Variants in LHFPL2 observed in about 807,000 individuals in gnomAD.
LHFPL2 encodes the protein LHFPL tetraspan subfamily member 2.
LHFPL2 carries 7 observed loss-of-function variants against 17.5 expected under a neutral mutation model. That is an observed-to-expected ratio of 0.40 (90% confidence interval 0.23 to 0.75). The LOEUF is 0.75. LHFPL2 is among the 30% of genes least tolerant of loss of function. LHFPL2 has a pLI of 0.37. For missense variants in LHFPL2, 241 were observed against 294.8 expected, an observed-to-expected ratio of 0.82 and a Z score of 1.34; for synonymous variants, 134 against 116.2, an observed-to-expected ratio of 1.15 and a Z score of -0.99.
intron 3 of LHFPL2, among the ~76,000 whole-genome samples, chr5:78,519,916 G>A (rs1437675363): frequency 1.3e-5 from 2 of 152,180 alleles, no homozygotes; most frequent in African/African-American, 4.8e-5. Context: ...GGAGTTGTGT[G>A]GTGGAAAGGA....
At chr5:78,549,255 C>A (rs1385153140) in intron 3 of LHFPL2, 2 of 152,170 alleles carry the variant, frequency 1.3e-5, no homozygotes, top group Non-Finnish European at 2.9e-5. Flanking sequence ...GGTCTCAGAG[C>A]AGAGTTCCAA....
intron 3 of LHFPL2, among the ~76,000 whole-genome samples, chr5:78,555,443 T>C (rs1561337164): frequency 6.6e-6 from 1 of 152,184 alleles, no homozygotes; most frequent in Non-Finnish European, 1.5e-5. Flanking sequence ...ATTCACTCAT[T>C]CTGGAAGTGA....
At chr5:78,633,379 C>A (rs77400007) in intron 1 of LHFPL2, among the ~76,000 whole-genome samples, 2,756 of 152,330 alleles carry the variant, frequency 0.018, 90 homozygotes, top group African/African-American at 0.063. Context: ...CCTCAACACA[C>A]CCCCACCAAA....
intron 1 of LHFPL2, among the ~76,000 whole-genome samples, chr5:78,640,627 C>T (rs1745630623): frequency 6.6e-6 from 1 of 152,116 alleles, no homozygotes; most frequent in Non-Finnish European, 1.5e-5. Context: ...AAGTAACATA[C>T]TACTTGTAGA....
At chr5:78,518,079 G>A (rs1037640590) in intron 3 of LHFPL2, among the ~76,000 whole-genome samples, 8 of 152,176 alleles carry the variant, frequency 5.3e-5, no homozygotes, top group Non-Finnish European at 7.3e-5. Context: ...ACAGACCATA[G>A]GGTCAAAAGC....
chr5:78,557,121 A>G (rs531856738), intron 3 of LHFPL2, among the ~76,000 whole-genome samples: 2 of 152,348 alleles, frequency 1.3e-5, no homozygotes, highest in South Asian at 4.1e-4. Flanking sequence ...CAAGGTCACC[A>G]GAGAAGACTG....
At chr5:78,617,039 T>C (rs1359864865) in intron 2 of LHFPL2, among the ~76,000 whole-genome samples, 4 of 152,150 alleles carry the variant, frequency 2.6e-5, no homozygotes, top group African/African-American at 9.7e-5. Flanking sequence ...TTTTTTTCTT[T>C]TTTTTTGAGA....
chr5:78,596,617 G>A (rs1017976035), intron 2 of LHFPL2, among the ~76,000 whole-genome samples: 10 of 152,092 alleles, frequency 6.6e-5, no homozygotes, highest in African/African-American at 2.4e-4. Flanking sequence ...AGGGATAAAA[G>A]TGTCACGTGC....
chr5:78,572,882 A>G (rs995874514), intron 2 of LHFPL2, among the ~76,000 whole-genome samples: 3 of 152,182 alleles, frequency 2.0e-5, no homozygotes, highest in Admixed American at 1.3e-4. Context: ...ACCTTAGATC[A>G]TCAGGCATTA....
intron 3 of LHFPL2, among the ~76,000 whole-genome samples, chr5:78,563,957 A>AT (rs1219489307): frequency 6.6e-5 from 10 of 152,100 alleles, no homozygotes; most frequent in Admixed American, 5.2e-4. Context: ...CATAAGAGCA[A>AT]TTTTTCCTTC....
chr5:78,530,370 T>G (rs918635606), intron 3 of LHFPL2, among the ~76,000 whole-genome samples: 16 of 152,222 alleles, frequency 1.1e-4, no homozygotes, highest in African/African-American at 3.9e-4. Context: ...TAATACTTCT[T>G]GTAGAAGCAT....
chr5:78,533,550 G>GA (rs1755850319), intron 3 of LHFPL2, among the ~76,000 whole-genome samples: 1 of 152,142 alleles, frequency 6.6e-6, no homozygotes, highest in Admixed American at 6.5e-5. Context: ...AAGACAGAGG[G>GA]AAAAACGCCC....
intron 3 of LHFPL2, among the ~76,000 whole-genome samples, chr5:78,548,155 G>A (rs1561333604): frequency 6.6e-6 from 1 of 152,260 alleles, no homozygotes; most frequent in Non-Finnish European, 1.5e-5. Flanking sequence ...CAGCACGGCT[G>A]TAGCATGACT....
At chr5:78,512,470 C>T (rs1430840653) in intron 3 of LHFPL2, among the ~76,000 whole-genome samples, 1 of 151,446 alleles carries the variant, frequency 6.6e-6, no homozygotes, top group Non-Finnish European at 1.5e-5. Context: ...GCTCCCTCCT[C>T]CAGATAGTAC....
intron 3 of LHFPL2, among the ~76,000 whole-genome samples, chr5:78,514,952 A>C (rs1026500158): frequency 1.3e-5 from 2 of 152,228 alleles, no homozygotes; most frequent in Admixed American, 6.5e-5. Flanking sequence ...CCATCAATTT[A>C]TAGCATACAC....
intron 2 of LHFPL2, among the ~76,000 whole-genome samples, chr5:78,585,504 G>T (rs943280150): frequency 1.3e-5 from 2 of 152,160 alleles, no homozygotes; most frequent in Admixed American, 6.5e-5. Flanking sequence ...TGCGCCCACT[G>T]TCTGGCACTC....
At chr5:78,623,576 C>T (rs1407536219) in intron 2 of LHFPL2, among the ~76,000 whole-genome samples, 1 of 152,192 alleles carries the variant, frequency 6.6e-6, no homozygotes, top group East Asian at 1.9e-4. Context: ...AACTCTTCTG[C>T]ACTAAAGAGT....
chr5:78,596,883 C>T (rs1743845620), intron 2 of LHFPL2, among the ~76,000 whole-genome samples: 1 of 152,106 alleles, frequency 6.6e-6, no homozygotes, highest in Non-Finnish European at 1.5e-5. Flanking sequence ...TCCCATTAAA[C>T]AACAAAAATT....
At chr5:78,622,973 G>A (rs1481473660) in intron 2 of LHFPL2, among the ~76,000 whole-genome samples, 1 of 152,164 alleles carries the variant, frequency 6.6e-6, no homozygotes, top group East Asian at 1.9e-4. Context: ...TATCTAGGCT[G>A]TGGGAAAACA....
Sources: allele counts gnomAD v4.1 joint callset (sites outside exome capture counted in the v4.1 genomes callset), GRCh38; gene constraint gnomAD v4.1.1; transcripts MANE v1.5; gene names NCBI Gene and HGNC (gene_info 2026-07-23, HGNC 2026-07-21).